FLNB: variants seen among roughly 807,000 people sequenced by gnomAD.
FLNB encodes filamin-B.
FLNB carries 111 observed loss-of-function variants against 250.6 expected under a neutral mutation model. That is an observed-to-expected ratio of 0.44 (90% CI 0.38 to 0.52). The LOEUF (loss-of-function observed/expected upper bound fraction) is 0.52, where lower values mean the gene tolerates loss of function less well. Among genes scored for constraint, FLNB ranks in the 20% least tolerant of loss-of-function variants. The pLI is 0.00. For synonymous variants in FLNB, 1,302 were observed against 1,372.1 expected (o/e 0.95, Z 1.13); for missense variants, 2,869 against 3,447.8 (o/e 0.83, Z 4.20).
At chr3:58,087,729 T>A (rs1389676880) in intron 4 of FLNB, among the ~76,000 whole-genome samples, 1 of 151,764 alleles carries the variant, frequency 6.6e-6, no homozygotes, top group Non-Finnish European at 1.5e-5. Flanking sequence ...GGATTACAGG[T>A]GTGAGCCACT....
chr3:58,035,147 C>T (rs9681051), intron 1 of FLNB, among the ~76,000 whole-genome samples: 3,863 of 152,256 alleles, frequency 0.025, 153 homozygotes, highest in African/African-American at 0.088. Flanking sequence ...TTTGATGAAA[C>T]CCTGGTGTCA....
In FLNB at chr3:58,169,355, G is replaced by A; in HGVS notation, c.7418-235G>A. Reference sequence around the variant, plus strand: ...GGGGATTGGGAGGGTCCTTGGCCTTGTCAGCCAAGGCCAGACTCATCCATT... The same window carrying A: ...GGGGATTGGGAGGGTCCTTGGCCTTATCAGCCAAGGCCAGACTCATCCATT... On this transcript the variant is annotated intron_variant, in intron 44 of 45. Transcript: ENST00000295956. The surrounding 1 kb of genome is among the most constrained non-coding windows in gnomAD (Gnocchi z 4.8). The A allele has an allele frequency of 1.8e-6, 1 of 558,080 alleles. No homozygotes were observed. Among genetic ancestry groups the A allele is most frequent in the South Asian group, 2.0e-5 (1 of 49,318 alleles). The allele number at this position is 558,080 out of a possible 1,614,324, so 34.6% of individuals were successfully genotyped here. A position where few individuals can be genotyped will look rare whatever the true frequency, so the allele number is the denominator to read the frequency against.
At chr3:58,014,888 C>G (rs1013898371) in intron 1 of FLNB, among the ~76,000 whole-genome samples, 12 of 152,182 alleles carry the variant, frequency 7.9e-5, no homozygotes, top group Non-Finnish European at 1.3e-4. Context: ...GCCACTATGT[C>G]TGGCTAATTT....
chr3:58,131,690 G>A (rs1052350290), intron 25 of FLNB, among the ~76,000 whole-genome samples: 23 of 152,200 alleles, frequency 1.5e-4, no homozygotes, highest in Admixed American at 2.6e-4. Context: ...ATGGGGTTCA[G>A]CAGGAGGTTT....
chr3:58,084,191 CAAA>C (rs771340069), intron 4 of FLNB, among the ~76,000 whole-genome samples: 1,231 of 64,512 alleles, frequency 0.019, 17 homozygotes, highest in African/African-American at 0.065. Flanking sequence ...GACTCTGTCT[CAAA>C]AAAAAAAAAA....
chr3:58,038,923 T>G (rs1361814623), intron 1 of FLNB, among the ~76,000 whole-genome samples: 1 of 152,132 alleles, frequency 6.6e-6, no homozygotes, highest in Non-Finnish European at 1.5e-5. Flanking sequence ...GTATCTTTGT[T>G]TACTCTCAAA....
In FLNB at chr3:58,096,122, T is replaced by C. The variant is rs2107049025; in HGVS notation, c.907-19T>C. On this transcript the variant is annotated intron_variant, in intron 5 of 45. Transcript: ENST00000295956. Reference sequence around the variant, plus strand: ...CACACCCGGCACCTTTTCTAACTGTTGCCCACCTTCCCTCCTAGGCACAAG... The same window carrying C: ...CACACCCGGCACCTTTTCTAACTGTCGCCCACCTTCCCTCCTAGGCACAAG... 6.2e-7 allele frequency: 1 copy of C among 1,604,266 alleles called. No individual in the cohort carries two copies. Among genetic ancestry groups the C allele is most frequent in the East Asian group, 2.2e-5 (1 of 44,730 alleles).
chr3:58,042,666 C>T (rs555025879), intron 1 of FLNB, among the ~76,000 whole-genome samples: 2 of 152,142 alleles, frequency 1.3e-5, no homozygotes, highest in Non-Finnish European at 2.9e-5. Context: ...ACTTGGCATG[C>T]ATCACAAGGC....
At chr3:58,163,942 G>A (rs1423803318) in intron 43 of FLNB, 1 of 152,738 alleles carries the variant, frequency 6.5e-6, no homozygotes, top group Admixed American at 6.5e-5. Flanking sequence ...AGTAAATAAA[G>A]TGAGACTCAC....
chr3:58,067,620 A>G (rs565776225), intron 1 of FLNB, among the ~76,000 whole-genome samples: 1 of 144,104 alleles, frequency 6.9e-6, no homozygotes, highest in South Asian at 2.2e-4. Flanking sequence ...TTTTTGGGAC[A>G]GAATCTCGCT....
intron 18 of FLNB, among the ~76,000 whole-genome samples, chr3:58,114,071 G>A (rs150359214): frequency 3.9e-5 from 6 of 152,106 alleles, no homozygotes; most frequent in Non-Finnish European, 7.4e-5. Context: ...TTTCGAGGCT[G>A]CATTCCACTG....
chr3:58,131,799 G>T, intron 25 of FLNB: 1 of 681,770 alleles, frequency 1.5e-6, no homozygotes, highest in Non-Finnish European at 2.6e-6. Flanking sequence ...ACCTGCATGT[G>T]TTTGTGTGCA....
intron 24 of FLNB, among the ~76,000 whole-genome samples, chr3:58,127,790 G>C (rs4681796): frequency 0.35 from 52,817 of 152,068 alleles, 10,805 homozygotes; most frequent in East Asian, 0.91. Flanking sequence ...TTTGTTTTGG[G>C]GGGAGGACTC....
rs544509688 is a variant in FLNB, at chr3:58,139,780, G to A, written c.5109+1251G>A. On this transcript the variant is annotated intron_variant, in intron 29 of 45. Coordinates refer to ENST00000295956, the MANE Select transcript of FLNB (RefSeq NM_001457.4). The stretch of plus-strand genomic sequence containing the variant: ...TTTAGCCCATAGTGGGTTTTATCTG[G>A]TTGGTTAGAATTAGGTGGAAGGAGG... Among the ~76,000 whole-genome samples, 5 of 152,320 alleles carry A rather than the reference G, an allele frequency of 3.3e-5. No homozygotes were observed. The East Asian group carries it at 9.6e-4, about 29-fold the overall frequency.
At chr3:58,166,031 T>G (rs1366253946) in intron 43 of FLNB, 1 of 152,104 alleles carries the variant, frequency 6.6e-6, no homozygotes, top group Non-Finnish European at 1.5e-5. Flanking sequence ...TGGACAGACT[T>G]TATGTTTAAA....
At chr3:58,020,048 GGTGTGTGTGTGTGTGTGTGTGTGTGTGT>G (rs373280518) in intron 1 of FLNB, among the ~76,000 whole-genome samples, 27 of 136,996 alleles carry the variant, frequency 2.0e-4, no homozygotes, top group African/African-American at 7.1e-4. Flanking sequence ...ACACCACAGG[GGTGTGTGTGTGTGTGTGTGTGTGTGTGT>G]GTGTGTGTGT....
At position 58,021,076 on chromosome 3, in the gene FLNB, G is replaced by A. The variant is rs895331182; in HGVS notation, c.292+12220G>A. The stretch of plus-strand genomic sequence containing the variant: ...CATGCTTGTACCACACTTCTTGTGC[G>A]TATCACCCTGGTTTCCCTGCACCTC... On this transcript the variant is annotated intron_variant, in intron 1 of 45. Coordinates refer to ENST00000295956, the MANE Select transcript of FLNB (RefSeq NM_001457.4). 2.1e-4 allele frequency among the ~76,000 whole-genome samples: 32 copies of A among 152,178 alleles called. 1 individual carries two copies. Among genetic ancestry groups the A allele is most frequent in the Admixed American group, 2.0e-3 (30 of 15,274 alleles).
At chr3:58,077,397 T>A in intron 2 of FLNB, 103 bp downstream of exon 2, 1 of 1,436,150 alleles carries the variant, frequency 7.0e-7, no homozygotes, top group Non-Finnish European at 9.7e-7. Context: ...TTGATTAGCG[T>A]ATTTCTCCAG....
intron 4 of FLNB, among the ~76,000 whole-genome samples, chr3:58,090,105 C>T (rs1559685156): frequency 2.6e-5 from 4 of 151,654 alleles, no homozygotes. Context: ...CCTCTGTAAG[C>T]TTTTTTCTGT....
Sources: gnomAD v4.1 joint callset for allele counts (sites outside exome capture counted in the v4.1 genomes callset) on GRCh38, gnomAD v4.1.1 for gene constraint, Gnocchi (gnomAD v3.1) non-coding constraint, MANE v1.5 for transcripts, NCBI Gene and HGNC (gene_info 2026-07-23, HGNC 2026-07-21) for gene names.